CELF2: variants seen among roughly 807,000 people sequenced by gnomAD.
The protein encoded by CELF2 is CUG triplet repeat RNA-binding protein 2.
CELF2 carries 8 observed loss-of-function variants against 62.6 expected under a neutral mutation model. That is an observed-to-expected ratio of 0.13 (90% CI 0.07 to 0.23). The LOEUF (loss-of-function observed/expected upper bound fraction) is 0.23, where lower values mean the gene tolerates loss of function less well. Ranked by LOEUF, CELF2 falls within the 10% of genes least tolerant of loss-of-function variation. The probability of loss-of-function intolerance (pLI) is 1.00; values close to 1 mark genes in which losing one functional copy is unlikely to be tolerated. For missense variants in CELF2, 333 were observed against 671.0 expected (o/e 0.50, Z 5.56); for synonymous variants, 258 against 250.0 (o/e 1.03, Z -0.30).
intron 1 of CELF2, chr10:10,846,091 C>T (rs1233495301): frequency 1.0e-5 from 10 of 984,868 alleles, no homozygotes; most frequent in South Asian, 4.7e-5. Context: ...GATCCTTCTG[C>T]GCTCCCAGAG....
At chr10:10,769,178 A>T in the CELF2 span, among the ~76,000 whole-genome samples, 1 of 152,190 alleles carries the variant, frequency 6.6e-6, no homozygotes, top group Non-Finnish European at 1.5e-5. Flanking sequence ...TGCAGAGATT[A>T]AAGCTGTGGC....
chr10:10,833,643 T>C (rs1234444287), intron 1 of CELF2, among the ~76,000 whole-genome samples: 1 of 152,028 alleles, frequency 6.6e-6, no homozygotes, highest in East Asian at 1.9e-4. Context: ...AATTTAAAAG[T>C]GGATGTGAAC....
At chr10:10,832,974 T>C (rs903165422) in intron 1 of CELF2, among the ~76,000 whole-genome samples, 3 of 151,802 alleles carry the variant, frequency 2.0e-5, no homozygotes, top group Admixed American at 2.0e-4. Flanking sequence ...TCACCGACAA[T>C]TTTTGAAGTT....
At chr10:10,473,330 T>C in the CELF2 span, among the ~76,000 whole-genome samples, 16 of 151,962 alleles carry the variant, frequency 1.1e-4, no homozygotes, top group African/African-American at 3.9e-4. Context: ...ACCACCAATA[T>C]CTAGGAAAAG....
intron 1 of CELF2, among the ~76,000 whole-genome samples, chr10:11,020,631 T>C (rs141939430): frequency 2.6e-5 from 4 of 152,342 alleles, no homozygotes; most frequent in Non-Finnish European, 5.9e-5. Context: ...AAATAAAGCA[T>C]AGGGGCTTTT....
intron 1 of CELF2, among the ~76,000 whole-genome samples, chr10:11,053,121 G>A (rs910312961): frequency 2.6e-5 from 4 of 152,192 alleles, no homozygotes; most frequent in Non-Finnish European, 4.4e-5. Context: ...ACCTGCAGAA[G>A]AATCCAATTC....
the CELF2 span, among the ~76,000 whole-genome samples, chr10:10,512,815 T>C: frequency 6.6e-6 from 1 of 152,214 alleles, no homozygotes; most frequent in Non-Finnish European, 1.5e-5. Flanking sequence ...GTTCCTCTAC[T>C]GAATTTCGTT....
chr10:10,987,557 G>A (rs1303682513), intron 2 of CELF2, among the ~76,000 whole-genome samples: 1 of 152,016 alleles, frequency 6.6e-6, no homozygotes, highest in African/African-American at 2.4e-5. Context: ...TTTTAACTTA[G>A]GGCCCTTGAT....
the CELF2 span, among the ~76,000 whole-genome samples, chr10:10,565,599 A>T: frequency 6.6e-6 from 1 of 152,016 alleles, no homozygotes; most frequent in African/African-American, 2.4e-5. Flanking sequence ...CCATGAGAAG[A>T]CTCTCTGGGT....
At chr10:10,964,238 C>T (rs879393671) in intron 2 of CELF2, among the ~76,000 whole-genome samples, 2 of 152,276 alleles carry the variant, frequency 1.3e-5, no homozygotes, top group Middle Eastern at 3.4e-3. Context: ...TCCCCTTTTG[C>T]ACCCTCAGCA....
chr10:11,078,878 T>C (rs944898059), intron 1 of CELF2, among the ~76,000 whole-genome samples: 3 of 152,238 alleles, frequency 2.0e-5, no homozygotes, highest in African/African-American at 7.2e-5. Flanking sequence ...TAGAGAATCA[T>C]GCTGCTCCCT....
At chr10:10,668,670 C>T in the CELF2 span, among the ~76,000 whole-genome samples, 1 of 152,094 alleles carries the variant, frequency 6.6e-6, no homozygotes, top group Non-Finnish European at 1.5e-5. Context: ...TTAAAGGTTA[C>T]ATATAGGCCA....
At position 11,257,336 on chromosome 10, in the gene CELF2, CAAAAAAAA is replaced by C. The variant is rs61363639; in HGVS notation, c.404-389_404-382del. 1.6e-4 allele frequency among the ~76,000 whole-genome samples: 18 copies of C among 114,718 alleles called. No individual in the cohort carries two copies. The South Asian group carries it at 3.3e-3, about 21-fold the overall frequency. 75.3% of individuals were successfully genotyped at this position (114,718 alleles called of 152,430 possible). A position where few individuals can be genotyped will look rare whatever the true frequency, so the allele number is the denominator to read the frequency against. On this transcript the variant is annotated intron_variant, in intron 4 of 12. Transcript: ENST00000633077. ...GTCATTCAGGTTAAAAGACCATCTACAAAAAAAAAAAAAAAAAAAACAGAATAAAATCT... is the reference window on the plus strand; with the variant it reads ...GTCATTCAGGTTAAAAGACCATCTACAAAAAAAAAAAACAGAATAAAATCT...
chr10:10,515,669 C>G, the CELF2 span, among the ~76,000 whole-genome samples: 1 of 152,160 alleles, frequency 6.6e-6, no homozygotes, highest in Admixed American at 6.5e-5. Context: ...GAATTCATGA[C>G]TCAAGGTCAC....
rs1418723853 is a variant in CELF2 at position 11,329,254 on chromosome 10, G to GTTTCTATTGA, written c.*202_*211dup. On this transcript the variant is annotated 3_prime_UTR_variant, in exon 13 of 13. Transcript: ENST00000633077. The surrounding 1 kb of genome is among the most constrained non-coding windows in gnomAD (Gnocchi z 5.5). ...CCATAATTAAAACTTGGGCTACTTTGTTTCTATTGAGTAATTCCTCCTCCA... is the reference window on the plus strand; with the variant it reads ...CCATAATTAAAACTTGGGCTACTTTGTTTCTATTGATTTCTATTGAGTAATTCCTCCTCCA... The GTTTCTATTGA allele has an allele frequency of 5.0e-6, 2 of 400,988 alleles. No homozygotes were observed. Among genetic ancestry groups the GTTTCTATTGA allele is most frequent in the East Asian group, 8.1e-5 (2 of 24,836 alleles). 24.8% of individuals were successfully genotyped at this position (400,988 alleles called of 1,614,324 possible). A position where few individuals can be genotyped will look rare whatever the true frequency, so the allele number is the denominator to read the frequency against.
chr10:10,792,639 T>C, the CELF2 span: 4 of 390,064 alleles, frequency 1.0e-5, no homozygotes, highest in Non-Finnish European at 1.8e-5. Context: ...GTCTATGATA[T>C]GGAGACTATC....
At chr10:11,100,944 G>A (rs1293340978) in intron 1 of CELF2, among the ~76,000 whole-genome samples, 1 of 152,184 alleles carries the variant, frequency 6.6e-6, no homozygotes, top group Non-Finnish European at 1.5e-5. Flanking sequence ...GAAACACCAG[G>A]CAAAGAGGTG....
chr10:11,211,367 C>T lies in CELF2; in HGVS notation c.272-6058C>T, dbSNP rs545586622. Among the ~76,000 whole-genome samples the T allele has an allele frequency of 7.2e-4, 109 of 152,260 alleles. No individual in the cohort carries two copies. The highest frequency in any genetic ancestry group is 1.2e-3 in the Non-Finnish European group (82 of 68,008). ...AAAACAGTGTCTCAGAGCATCAAAC[C>T]TTGGTTTAGAAACCTTGGAGGAAGT... On this transcript the variant is annotated intron_variant, in intron 2 of 12. Coordinates refer to ENST00000633077, the MANE Select transcript of CELF2 (RefSeq NM_001326342.2). This position sits in a 1 kb window ranked among gnomAD's most constrained non-coding sequence, Gnocchi z 4.8.
At chr10:10,755,500 T>C in the CELF2 span, among the ~76,000 whole-genome samples, 1 of 152,200 alleles carries the variant, frequency 6.6e-6, no homozygotes, top group Non-Finnish European at 1.5e-5. Flanking sequence ...GCGCAGTCTC[T>C]ATGGCTCTGC....
Sources: allele counts gnomAD v4.1 joint callset (sites outside exome capture counted in the v4.1 genomes callset), GRCh38; gene constraint gnomAD v4.1.1; non-coding constraint Gnocchi (gnomAD v3.1); transcripts MANE v1.5; gene names NCBI Gene and HGNC (gene_info 2026-07-23, HGNC 2026-07-21).